Variants in MSRB3 observed in about 807,000 individuals in gnomAD.
MSRB3 encodes methionine sulfoxide reductase B3.
Under a neutral mutation model 21.0 loss-of-function variants are expected in MSRB3, and 13 were observed. The ratio of observed to expected loss-of-function variants is 0.62; its 90% CI spans 0.40 to 0.98. The LOEUF (loss-of-function observed/expected upper bound fraction) is 0.98. Among genes scored for constraint, MSRB3 ranks in the 50% least tolerant of loss-of-function variants. MSRB3 has a pLI of 0.00. For synonymous variants in MSRB3, 87 were observed against 88.6 expected (o/e 0.98, Z 0.10); for missense variants, 199 against 230.3 (o/e 0.86, Z 0.88).
intron 1 of MSRB3, among the ~76,000 whole-genome samples, chr12:65,297,424 G>A (rs771477641): frequency 2.6e-5 from 4 of 152,106 alleles, no homozygotes; most frequent in Non-Finnish European, 5.9e-5. Context: ...ATGAGATGGA[G>A]GATATGGGTC....
chr12:65,404,781 CTT>C (rs957078409), intron 5 of MSRB3, among the ~76,000 whole-genome samples: 10 of 152,130 alleles, frequency 6.6e-5, no homozygotes, highest in Non-Finnish European at 1.5e-4. Flanking sequence ...AATCTACTCT[CTT>C]TGCAATTTTC....
chr12:65,342,799 A>T (rs1054639618), intron 4 of MSRB3, among the ~76,000 whole-genome samples: 2 of 152,080 alleles, frequency 1.3e-5, no homozygotes, highest in African/African-American at 4.8e-5. Flanking sequence ...AAGAACATTT[A>T]ATTATCTGGA....
chr12:65,402,609 T>G (rs1450429251), intron 5 of MSRB3, among the ~76,000 whole-genome samples: 2 of 152,238 alleles, frequency 1.3e-5, no homozygotes, highest in Non-Finnish European at 2.9e-5. Context: ...TGAAGCCTAC[T>G]TCTGTCAATT....
intron 1 of MSRB3, 149 bp from the exon 2 acceptor site, chr12:65,308,380 G>T: frequency 9.7e-7 from 1 of 1,027,478 alleles, no homozygotes; most frequent in South Asian, 1.5e-5. Context: ...GTAAGCTCAC[G>T]GGCTGAAAAA....
In MSRB3 at chr12:65,463,985, G is replaced by C. The variant is rs563512653; in HGVS notation, c.*663G>C. The C allele has an allele frequency of 1.1e-4, 17 of 152,572 alleles. No homozygotes were observed. The highest frequency in any genetic ancestry group is 3.6e-4 in the African/African-American group (15 of 41,566). The allele number at this position is 152,572 out of a possible 1,614,324, so 9.5% of individuals were successfully genotyped here. A position where few individuals can be genotyped will look rare whatever the true frequency, so the allele number is the denominator to read the frequency against. ...TATTTTATTTTATTTTCCATCGAAA[G>C]CATTGGAGGCCCAGTGCAATGGCTC... On this transcript the variant is annotated 3_prime_UTR_variant, in exon 7 of 7. Coordinates refer to ENST00000308259, the MANE Select transcript of MSRB3 (RefSeq NM_001031679.3).
intron 2 of MSRB3, among the ~76,000 whole-genome samples, chr12:65,312,763 G>A (rs553723162): frequency 2.6e-5 from 4 of 152,074 alleles, no homozygotes; most frequent in African/African-American, 7.2e-5. Flanking sequence ...ATGAATCAGC[G>A]GCTTATGGCT....
At chr12:65,378,339 A>G (rs1188758496) in intron 5 of MSRB3, among the ~76,000 whole-genome samples, 4 of 152,202 alleles carry the variant, frequency 2.6e-5, no homozygotes, top group Non-Finnish European at 2.9e-5. Flanking sequence ...ATAATGCAGT[A>G]TAATAGGTCA....
intron 5 of MSRB3, among the ~76,000 whole-genome samples, chr12:65,434,808 A>T (rs1267277807): frequency 6.6e-6 from 1 of 151,958 alleles, no homozygotes; most frequent in East Asian, 1.9e-4. Context: ...AAATGCACTG[A>T]TATAATTATA....
chr12:65,430,313 A>G (rs1211429315), intron 5 of MSRB3, among the ~76,000 whole-genome samples: 1 of 152,212 alleles, frequency 6.6e-6, no homozygotes, highest in African/African-American at 2.4e-5. Flanking sequence ...CTGATATTTC[A>G]GAGGTGAAGC....
chr12:65,429,300 T>C (rs1379487342), intron 5 of MSRB3, among the ~76,000 whole-genome samples: 3 of 152,130 alleles, frequency 2.0e-5, no homozygotes, highest in Non-Finnish European at 2.9e-5. Flanking sequence ...AGGGAAAGCC[T>C]ACTGAGGAGG....
intron 6 of MSRB3, among the ~76,000 whole-genome samples, chr12:65,460,270 C>A (rs192431513): frequency 3.3e-5 from 5 of 152,350 alleles, no homozygotes. Context: ...GCTCCTCTGG[C>A]AACTTCCATT....
chr12:65,279,063 C>T, intron 1 of MSRB3, 198 bp downstream of exon 1: 2 of 1,419,196 alleles, frequency 1.4e-6, no homozygotes, highest in South Asian at 1.5e-5. Flanking sequence ...AGGGGCCGAA[C>T]GGAAGGAGGT....
chr12:65,312,289 T>C (rs1457522472), intron 2 of MSRB3, among the ~76,000 whole-genome samples: 1 of 152,120 alleles, frequency 6.6e-6, no homozygotes, highest in South Asian at 2.1e-4. Context: ...TGGGAACTTA[T>C]ACAGAGAAGT....
chr12:65,337,569 C>A (rs1875868125), intron 4 of MSRB3, among the ~76,000 whole-genome samples: 1 of 151,548 alleles, frequency 6.6e-6, no homozygotes, highest in Admixed American at 6.6e-5. Context: ...AATTCATAAC[C>A]CTACCGTATC....
At chr12:65,295,187 G>C (rs563691716) in intron 1 of MSRB3, among the ~76,000 whole-genome samples, 111 of 152,236 alleles carry the variant, frequency 7.3e-4, no homozygotes, top group African/African-American at 2.6e-3. Context: ...CTATGACCTT[G>C]AAAAAGTATC....
chr12:65,381,871 C>T (rs749563629), intron 5 of MSRB3, among the ~76,000 whole-genome samples: 7 of 151,804 alleles, frequency 4.6e-5, no homozygotes, highest in Non-Finnish European at 8.8e-5. Flanking sequence ...TTCGATGTTG[C>T]AAATTAGTAA....
intron 4 of MSRB3, among the ~76,000 whole-genome samples, chr12:65,356,588 A>C (rs1376133236): frequency 3.3e-5 from 5 of 152,024 alleles, no homozygotes; most frequent in East Asian, 1.9e-4. Flanking sequence ...TTAGGCAAAA[A>C]GTTACTTTGG....
intron 5 of MSRB3, among the ~76,000 whole-genome samples, chr12:65,376,212 T>C (rs1031203177): frequency 1.3e-5 from 2 of 149,718 alleles, no homozygotes; most frequent in Non-Finnish European, 3.0e-5. Flanking sequence ...CTCCGCCTCC[T>C]GGGTTCACGC....
chr12:65,340,297 A>G (rs1565842136), intron 4 of MSRB3, among the ~76,000 whole-genome samples: 2 of 152,172 alleles, frequency 1.3e-5, no homozygotes, highest in African/African-American at 4.8e-5. Flanking sequence ...AAAACAGGTT[A>G]GTAGAAAATA....
Sources: allele counts gnomAD v4.1 joint callset (sites outside exome capture counted in the v4.1 genomes callset), GRCh38; gene constraint gnomAD v4.1.1; transcripts MANE v1.5; gene names NCBI Gene and HGNC (gene_info 2026-07-23, HGNC 2026-07-21).